ABLIM2: variants seen among roughly 807,000 people sequenced by gnomAD.
ABLIM2 encodes actin binding LIM protein family member 2.
ABLIM2 carries 53 observed loss-of-function variants against 97.7 expected under a neutral mutation model. That is an observed-to-expected ratio of 0.54 (90% CI 0.44 to 0.68). The LOEUF (loss-of-function observed/expected upper bound fraction) is 0.68, where lower values mean the gene tolerates loss of function less well. Ranked by LOEUF, ABLIM2 falls within the 30% of genes least tolerant of loss-of-function variation. The probability of loss-of-function intolerance (pLI) is 0.00; values close to 1 mark genes in which losing one functional copy is unlikely to be tolerated. For synonymous variants in ABLIM2, 361 were observed against 345.8 expected (o/e 1.04, Z -0.49); for missense variants, 835 against 867.2 (o/e 0.96, Z 0.47).
chr4:8,136,614 G>T (rs1447365325), intron 1 of ABLIM2, among the ~76,000 whole-genome samples: 1 of 152,336 alleles, frequency 6.6e-6, no homozygotes, highest in East Asian at 1.9e-4. Flanking sequence ...GCCCACCTGA[G>T]TACCCGGGAC....
At chr4:7,985,847 C>G (rs541773556) in intron 17 of ABLIM2, among the ~76,000 whole-genome samples, 4 of 152,212 alleles carry the variant, frequency 2.6e-5, no homozygotes, top group African/African-American at 9.7e-5. Context: ...CTTCTGTCCA[C>G]CTGGAAGCAT....
chr4:7,977,790 CAATAAATA>C lies in ABLIM2; in HGVS notation c.1824+5466_1824+5473del, dbSNP rs10660218. Among the ~76,000 whole-genome samples the C allele has an allele frequency of 7.9e-4, 112 of 142,304 alleles. 1 individual carries two copies. Among genetic ancestry groups the C allele is most frequent in the African/African-American group, 1.8e-3 (69 of 38,136 alleles). The allele number at this position is 142,304 out of a possible 152,430, so 93.4% of individuals were successfully genotyped here. Reference sequence around the variant, plus strand: ...TGGGAGACTGAGGGAGACTCTGTCTCAATAAATAAATAAATAAATAAATAAATAAATAA... The same window carrying C: ...TGGGAGACTGAGGGAGACTCTGTCTCAATAAATAAATAAATAAATAAATAA... On this transcript the variant is annotated intron_variant, in intron 20 of 20. Coordinates refer to ENST00000447017, the MANE Select transcript of ABLIM2 (RefSeq NM_001130083.2).
intron 1 of ABLIM2, among the ~76,000 whole-genome samples, chr4:8,153,963 CTT>C (rs55681745): frequency 3.1e-4 from 41 of 131,848 alleles, no homozygotes; most frequent in African/African-American, 9.8e-4. Context: ...AACTTCTTTT[CTT>C]TTTTTTTTTT....
chr4:8,114,491 G>A (rs1215535724), intron 1 of ABLIM2, among the ~76,000 whole-genome samples: 1 of 152,186 alleles, frequency 6.6e-6, no homozygotes, highest in Admixed American at 6.5e-5. Context: ...CGGTTTAAGA[G>A]CAGGTCCAGG....
intron 9 of ABLIM2, among the ~76,000 whole-genome samples, chr4:8,037,608 T>C (rs896401631): frequency 1.3e-5 from 2 of 151,918 alleles, no homozygotes; most frequent in African/African-American, 4.8e-5. Flanking sequence ...CCCACAAACG[T>C]GCATGCACAT....
chr4:8,010,474 C>A, intron 14 of ABLIM2: 3 of 985,880 alleles, frequency 3.0e-6, no homozygotes, highest in Non-Finnish European at 2.4e-6. Flanking sequence ...TTTGCCGTAC[C>A]CTGCCTCCTG....
chr4:8,097,001 T>C (rs923640226), intron 3 of ABLIM2, 98 bp downstream of exon 3: 1 of 1,399,054 alleles, frequency 7.1e-7, no homozygotes, highest in Non-Finnish European at 9.6e-7. Flanking sequence ...AGAGGGCGGG[T>C]CACGGGAGGG....
chr4:8,129,836 G>A (rs1028092267), intron 1 of ABLIM2, among the ~76,000 whole-genome samples: 31 of 152,292 alleles, frequency 2.0e-4, no homozygotes, highest in Admixed American at 5.9e-4. Flanking sequence ...CCCCCTCCCC[G>A]CCATTGTACG....
chr4:8,137,434 T>C (rs1004766350), intron 1 of ABLIM2, among the ~76,000 whole-genome samples: 1 of 151,768 alleles, frequency 6.6e-6, no homozygotes, highest in African/African-American at 2.4e-5. Context: ...TCGTGCCCCA[T>C]GGGGCAGGCC....
intron 20 of ABLIM2, among the ~76,000 whole-genome samples, chr4:7,977,900 A>C (rs1734843938): frequency 6.6e-6 from 1 of 152,200 alleles, no homozygotes; most frequent in Non-Finnish European, 1.5e-5. Flanking sequence ...GCAGGATGTC[A>C]AACCTGGATA....
In ABLIM2 at chr4:8,150,315, G is replaced by C. The variant is rs1218846275; in HGVS notation, c.10+8365C>G. On this transcript the variant is annotated intron_variant, in intron 1 of 20. Coordinates refer to ENST00000447017, the MANE Select transcript of ABLIM2 (RefSeq NM_001130083.2). The surrounding 1 kb of genome is among the most constrained non-coding windows in gnomAD (Gnocchi z 6.3). ...GACGGCAGACAGATGAGGAGGCCAT[G>C]CTGAACTGGGGACGGAGTTCCACCC... Among the ~76,000 whole-genome samples, 2 of 152,214 alleles carry C rather than the reference G, an allele frequency of 1.3e-5. No homozygotes were observed.
Position 8,021,866 on chromosome 4 carries a change from C to T in ABLIM2, c.1268-1563G>A, listed in dbSNP as rs1413637695. ...CGTCAGATAACTGCCCTTCCCTTAG[C>T]AACCTCCCTCCAGAACAGCATGGAA... On this transcript the variant is annotated intron_variant, in intron 12 of 20. Transcript: ENST00000447017. The surrounding 1 kb of genome is among the most constrained non-coding windows in gnomAD (Gnocchi z 5.5). Among the ~76,000 whole-genome samples, 2 of 152,242 alleles carry T rather than the reference C, an allele frequency of 1.3e-5. No individual in the cohort carries two copies. The highest frequency in any genetic ancestry group is 2.9e-5 in the Non-Finnish European group (2 of 68,040).
chr4:8,113,791 C>T lies in ABLIM2; in HGVS notation c.11-7154G>A, dbSNP rs1470517942. On this transcript the variant is annotated intron_variant, in intron 1 of 20. Coordinates refer to ENST00000447017, the MANE Select transcript of ABLIM2 (RefSeq NM_001130083.2). The surrounding 1 kb of genome is among the most constrained non-coding windows in gnomAD (Gnocchi z 4.5). The stretch of plus-strand genomic sequence containing the variant: ...ATTCAGTTTTCTAAGCCTACACACG[C>T]ACACATGAACTCCAGAGGTCCCGGC... Among the ~76,000 whole-genome samples, 1 of 152,242 alleles carries T rather than the reference C, an allele frequency of 6.6e-6. No homozygotes were observed. Among genetic ancestry groups the T allele is most frequent in the African/African-American group, 2.4e-5 (1 of 41,478 alleles).
chr4:8,119,100 G>A (rs1287937908), intron 1 of ABLIM2, among the ~76,000 whole-genome samples: 6 of 152,050 alleles, frequency 3.9e-5, no homozygotes, highest in Non-Finnish European at 7.4e-5. Flanking sequence ...TGCTGGGCCT[G>A]GGGAACAAGT....
At chr4:8,100,812 G>C (rs1834197775) in intron 2 of ABLIM2, among the ~76,000 whole-genome samples, 1 of 151,366 alleles carries the variant, frequency 6.6e-6, no homozygotes, top group South Asian at 2.1e-4. Context: ...GATTAGCCCA[G>C]TGTCTGCCTG....
rs1054311371 is a variant in ABLIM2 at position 8,004,592 on chromosome 4, A to G, written c.1618+3467T>C. On this transcript the variant is annotated intron_variant, in intron 16 of 20. Transcript: ENST00000447017. The surrounding 1 kb of genome is among the most constrained non-coding windows in gnomAD (Gnocchi z 5.9). Reference sequence around the variant, plus strand: ...GGTGGGACGTGAGAGACCTCAAAAGAGAGGATGGGGCCTCAAGGGGCTAGG... The same window carrying G: ...GGTGGGACGTGAGAGACCTCAAAAGGGAGGATGGGGCCTCAAGGGGCTAGG... Among the ~76,000 whole-genome samples the G allele has an allele frequency of 6.6e-6, 1 of 152,094 alleles. No homozygotes were observed. Among genetic ancestry groups the G allele is most frequent in the African/African-American group, 2.4e-5 (1 of 41,416 alleles).
At chr4:8,102,828 G>C (rs112015784) in intron 2 of ABLIM2, among the ~76,000 whole-genome samples, 9 of 152,346 alleles carry the variant, frequency 5.9e-5, no homozygotes, top group African/African-American at 1.9e-4. Flanking sequence ...GCCATGATTG[G>C]GCTAAGTCAG....
intron 6 of ABLIM2, among the ~76,000 whole-genome samples, chr4:8,070,951 G>A (rs1811575932): frequency 6.6e-6 from 1 of 152,152 alleles, no homozygotes; most frequent in African/African-American, 2.4e-5. Context: ...CAGAGGGTGG[G>A]GCTGGAAACA....
At chr4:8,133,235 G>A (rs1452718859) in intron 1 of ABLIM2, among the ~76,000 whole-genome samples, 4 of 152,122 alleles carry the variant, frequency 2.6e-5, no homozygotes, top group Non-Finnish European at 4.4e-5. Context: ...GTTCCATCCC[G>A]CAATGACCCT....
Sources: gnomAD v4.1 joint callset for allele counts (sites outside exome capture counted in the v4.1 genomes callset) on GRCh38, gnomAD v4.1.1 for gene constraint, Gnocchi (gnomAD v3.1) non-coding constraint, MANE v1.5 for transcripts, NCBI Gene and HGNC (gene_info 2026-07-23, HGNC 2026-07-21) for gene names.